PIK3CD: variants seen among roughly 807,000 people sequenced by gnomAD.
The protein encoded by PIK3CD is phosphatidylinositol-4,5-bisphosphate 3-kinase catalytic subunit delta.
In PIK3CD, 20 loss-of-function variants were observed where a neutral mutation model predicts 122.9. The observed-to-expected ratio is 0.16, with a 90% CI of 0.11 to 0.24. The LOEUF (loss-of-function observed/expected upper bound fraction) is 0.24, where lower values mean the gene tolerates loss of function less well. Ranked by LOEUF, PIK3CD falls within the 10% of genes least tolerant of loss-of-function variation. The probability of loss-of-function intolerance (pLI) is 1.00; values close to 1 mark genes in which losing one functional copy is unlikely to be tolerated. For synonymous variants in PIK3CD, 596 were observed against 593.4 expected, an observed-to-expected ratio of 1.00 and a Z score of -0.06; for missense variants, 787 against 1,406.3, an observed-to-expected ratio of 0.56 and a Z score of 7.04.
At chr1:9,647,184 C>T (rs1018958228), upstream of PIK3CD, among the ~76,000 whole-genome samples, 1 of 150,866 alleles carries the variant, frequency 6.6e-6, no homozygotes, top group East Asian at 2.0e-4. Context: ...GAGGCTGAGG[C>T]TGGCAGATTG....
intron 2 of PIK3CD, among the ~76,000 whole-genome samples, chr1:9,693,925 A>G (rs1646302469): frequency 6.6e-6 from 1 of 152,110 alleles, no homozygotes; most frequent in Admixed American, 6.6e-5. Flanking sequence ...AGAGCATGGT[A>G]GGGTGACAGA....
chr1:9,697,952 G>A (rs894960847), intron 2 of PIK3CD, among the ~76,000 whole-genome samples: 2 of 151,970 alleles, frequency 1.3e-5, no homozygotes, highest in African/African-American at 4.8e-5. Flanking sequence ...GATGGCTTGA[G>A]CCTGGGACGT....
In PIK3CD at chr1:9,715,016, A is replaced by AG. The variant is rs1163801654; in HGVS notation, c.142-525_142-524insG. On this transcript the variant is annotated intron_variant, in intron 3 of 23. Coordinates refer to ENST00000377346, the MANE Select transcript of PIK3CD (RefSeq NM_005026.5). The surrounding 1 kb of genome is among the most constrained non-coding windows in gnomAD (Gnocchi z 4.1). ...CGAAACCCCATCTCTACTAAAAAAAAATACAAAAAATTTAGCCAGGCATGG... is the reference window on the plus strand; with the variant it reads ...CGAAACCCCATCTCTACTAAAAAAAAGATACAAAAAATTTAGCCAGGCATGG... Among the ~76,000 whole-genome samples the AG allele has an allele frequency of 6.6e-6, 1 of 152,026 alleles. No individual in the cohort carries two copies. The highest frequency in any genetic ancestry group is 2.4e-5 in the African/African-American group (1 of 41,368).
Position 9,717,195 on chromosome 1 carries a change from G to C in PIK3CD, c.930+87G>C. The C allele has an allele frequency of 6.6e-7, 1 of 1,513,664 alleles. No homozygotes were observed. The highest frequency in any genetic ancestry group is 9.2e-7 in the Non-Finnish European group (1 of 1,092,220). The allele number at this position is 1,513,664 out of a possible 1,614,324, so 93.8% of individuals were successfully genotyped here. A position where few individuals can be genotyped will look rare whatever the true frequency, so the allele number is the denominator to read the frequency against. ...CCATGTGCTACTGGCCATGGGTCCA[G>C]GGGCCCTTGGTATGGAGAGCTGGGG... On this transcript the variant is annotated intron_variant, in intron 7 of 23. Transcript: ENST00000377346. This position sits in a 1 kb window ranked among gnomAD's most constrained non-coding sequence, Gnocchi z 5.4.
chr1:9,684,582 TG>T (rs1224945444), intron 1 of PIK3CD, among the ~76,000 whole-genome samples: 3 of 147,372 alleles, frequency 2.0e-5, no homozygotes, highest in South Asian at 2.2e-4. Context: ...CAGTTGGGTG[TG>T]ATGGCTCACA....
chr1:9,722,434 A>C lies in PIK3CD; in HGVS notation c.2347+78A>C. On this transcript the variant is annotated intron_variant, in intron 18 of 23. Transcript: ENST00000377346. The surrounding 1 kb of genome is among the most constrained non-coding windows in gnomAD (Gnocchi z 7.6). Reference sequence around the variant, plus strand: ...GGTGCTCCTAGAGTGGGGGTGGAGAAGACAGAATCCTGGGACTTAAGGGCT... The same window carrying C: ...GGTGCTCCTAGAGTGGGGGTGGAGACGACAGAATCCTGGGACTTAAGGGCT... 1 of 1,545,208 alleles carries C rather than the reference A, an allele frequency of 6.5e-7. No individual in the cohort carries two copies. Among genetic ancestry groups the C allele is most frequent in the Non-Finnish European group, 8.9e-7 (1 of 1,118,690 alleles).
the PIK3CD span, among the ~76,000 whole-genome samples, chr1:9,628,392 C>T: frequency 5.3e-5 from 8 of 152,230 alleles, no homozygotes; most frequent in African/African-American, 1.9e-4. Context: ...AGAAGGATAG[C>T]TCAAACACTC....
At chr1:9,665,131 G>A (rs1645119747) in intron 1 of PIK3CD, among the ~76,000 whole-genome samples, 1 of 149,770 alleles carries the variant, frequency 6.7e-6, no homozygotes, top group Admixed American at 6.7e-5. Context: ...CTGAGCCCTG[G>A]AGGTCAAGGC....
At chr1:9,695,975 C>CT (rs577549219) in intron 2 of PIK3CD, among the ~76,000 whole-genome samples, 26,776 of 143,710 alleles carry the variant, frequency 0.19, 3,125 homozygotes, top group South Asian at 0.36. Context: ...ACATTAAAGA[C>CT]TTTTTTTTTT....
chr1:9,636,199 A>C, the PIK3CD span, among the ~76,000 whole-genome samples: 1 of 151,824 alleles, frequency 6.6e-6, no homozygotes, highest in African/African-American at 2.4e-5. Flanking sequence ...ACAATTCTGC[A>C]TTTTTTTGGG....
Position 9,721,997 on chromosome 1 carries a change from A to T in PIK3CD, c.2078A>T (p.Lys693Met), listed in dbSNP as rs1648752191. The change falls in exon 17 of 24, where the codon AAG becomes ATG. Residue 693 changes from lysine (K) to methionine (M), a missense_variant. Physicochemically the swap from Lys to Met is moderately conservative, Grantham distance 95 (BLOSUM62 -1). Coordinates refer to ENST00000377346, the MANE Select transcript of PIK3CD (RefSeq NM_005026.5). Reference protein sequence around the residue: ...MKQGEALSKLKALNDFVKLSS... With the variant: ...MKQGEALSKLMALNDFVKLSS... The stretch of plus-strand genomic sequence containing the variant: ...CAGGGGGAAGCACTGAGCAAACTGA[A>T]GGCCCTGAATGACTTCGTCAAGCTG... The T allele has an allele frequency of 1.2e-6, 2 of 1,613,540 alleles. No homozygotes were observed. Among genetic ancestry groups the T allele is most frequent in the South Asian group, 2.2e-5 (2 of 91,092 alleles).
At chr1:9,661,309 A>C (rs898001592) in intron 1 of PIK3CD, among the ~76,000 whole-genome samples, 1 of 151,772 alleles carries the variant, frequency 6.6e-6, no homozygotes, top group African/African-American at 2.4e-5. Context: ...CTAATTACTG[A>C]CCTCAGGTGA....
chr1:9,696,105 G>A (rs1442107745), intron 2 of PIK3CD, among the ~76,000 whole-genome samples: 2 of 151,514 alleles, frequency 1.3e-5, no homozygotes, highest in Non-Finnish European at 2.9e-5. Context: ...CCGAGTAGCT[G>A]GGACTACAGG....
the PIK3CD span, among the ~76,000 whole-genome samples, chr1:9,641,872 G>A: frequency 6.6e-6 from 1 of 152,120 alleles, no homozygotes; most frequent in South Asian, 2.1e-4. Flanking sequence ...TCTGACCTTG[G>A]CCTTGTTCTC....
At position 9,691,468 on chromosome 1, in the gene PIK3CD, T is replaced by G. The variant is rs1646193582; in HGVS notation, c.-136T>G. On this transcript the variant is annotated splice_region_variant and 5_prime_UTR_variant, in exon 2 of 24. Coordinates refer to ENST00000377346, the MANE Select transcript of PIK3CD (RefSeq NM_005026.5). ...TTCTTTCTTTCTTTTCCCCAACAGA[T>G]AAGGAGTCAGGCCAGGGCGGGATGA... 2.5e-6 allele frequency: 1 copy of G among 398,400 alleles called. No individual in the cohort carries two copies. The highest frequency in any genetic ancestry group is 4.4e-6 in the Non-Finnish European group (1 of 226,056). 24.7% of individuals were successfully genotyped at this position (398,400 alleles called of 1,614,324 possible). A position where few individuals can be genotyped will look rare whatever the true frequency, so the allele number is the denominator to read the frequency against.
the PIK3CD span, among the ~76,000 whole-genome samples, chr1:9,635,478 C>T: frequency 2.0e-5 from 3 of 152,134 alleles, no homozygotes; most frequent in African/African-American, 7.2e-5. Flanking sequence ...TGTTAGACCA[C>T]CCACGCTCCA....
At chr1:9,725,918 TA>T (rs1276597354) in intron 23 of PIK3CD, among the ~76,000 whole-genome samples, 2 of 151,344 alleles carry the variant, frequency 1.3e-5, no homozygotes, top group Non-Finnish European at 2.9e-5. Flanking sequence ...AAATAAAAGA[TA>T]TTTTTCCAGG....
rs775810328 is a variant in PIK3CD at position 9,716,075 on chromosome 1, C to T, written c.597C>T (p.Ser199=). Residue 199 remains serine, a synonymous_variant, in exon 5 of 24, where the codon AGC becomes AGT. Coordinates refer to ENST00000377346, the MANE Select transcript of PIK3CD (RefSeq NM_005026.5). The part of the protein sequence containing the change: ...ALLVNVKFEG[S]EESFTFQVST... ...TGGTCAACGTTAAGTTTGAGGGCAG[C>T]GAGGTGAGCCCATGCGTGGCCTGCG... 1.1e-5 allele frequency: 17 copies of T among 1,610,982 alleles called. No homozygotes were observed. The African/African-American group carries it at 1.7e-4, about 16-fold the overall frequency.
At position 9,654,259 on chromosome 1, in the gene PIK3CD, C is replaced by T. The variant is rs768348388; in HGVS notation, c.-138+2457C>T. 4 of 1,367,762 alleles carry T rather than the reference C, an allele frequency of 2.9e-6. No individual in the cohort carries two copies. In the South Asian group the frequency reaches 4.5e-5, roughly 16 times the overall value. The allele number at this position is 1,367,762 out of a possible 1,614,324, so 84.7% of individuals were successfully genotyped here. A position where few individuals can be genotyped will look rare whatever the true frequency, so the allele number is the denominator to read the frequency against. ...GTACTCCCGACCACGCAGATGTCCCCTTCTGGCAGGAAAAGCGCGTTTCTG... is the reference window on the plus strand; with the variant it reads ...GTACTCCCGACCACGCAGATGTCCCTTTCTGGCAGGAAAAGCGCGTTTCTG... On this transcript the variant is annotated intron_variant, in intron 1 of 23. Transcript: ENST00000377346.
Sources: gnomAD v4.1 joint callset for allele counts (sites outside exome capture counted in the v4.1 genomes callset) on GRCh38, gnomAD v4.1.1 for gene constraint, Gnocchi (gnomAD v3.1) non-coding constraint, MANE v1.5 for transcripts, NCBI Gene and HGNC (gene_info 2026-07-23, HGNC 2026-07-21) for gene names.